The following ARHGEF3 variants were observed in gnomAD, a reference collection of about 807,000 sequenced individuals.
ARHGEF3 encodes the protein Rho guanine nucleotide exchange factor 3.
Under a neutral mutation model 63.2 loss-of-function variants are expected in ARHGEF3, and 28 were observed. That is an observed-to-expected ratio of 0.44 (90% CI 0.33 to 0.61). The LOEUF is 0.61. Among genes scored for constraint, ARHGEF3 ranks in the 20% least tolerant of loss-of-function variants. The pLI, the probability that ARHGEF3 is intolerant of heterozygous loss-of-function variation, is 0.03. For missense variants in ARHGEF3, 533 were observed against 659.3 expected, an observed-to-expected ratio of 0.81 and a Z score of 2.10; for synonymous variants, 266 against 254.2, an observed-to-expected ratio of 1.05 and a Z score of -0.44.
intron 2 of ARHGEF3, among the ~76,000 whole-genome samples, chr3:57,012,661 T>C: frequency 6.6e-6 from 1 of 152,234 alleles, no homozygotes; most frequent in Admixed American, 6.5e-5. Flanking sequence ...ACTCAAGGTC[T>C]CACAGTTCAG....
In ARHGEF3 at chr3:56,807,177, C is replaced by T. The variant is rs115836199; in HGVS notation, c.193-33361G>A. On this transcript the variant is annotated intron_variant, in intron 4 of 12. Coordinates refer to the ARHGEF3 transcript ENST00000338458. The stretch of plus-strand genomic sequence containing the variant: ...CTGGGATTACAGGTGGGAGCCACCG[C>T]GCCAGGCCTGAGTTCCTTTTTCTTT... Among the ~76,000 whole-genome samples, 1,510 of 152,240 alleles carry T rather than the reference C, an allele frequency of 9.9e-3. 25 individuals are homozygous for T. The highest frequency in any genetic ancestry group is 0.031 in the African/African-American group (1,306 of 41,540).
At chr3:56,798,304 C>T (rs1263920761) in intron 1 of ARHGEF3, among the ~76,000 whole-genome samples, 1 of 152,176 alleles carries the variant, frequency 6.6e-6, no homozygotes, top group African/African-American at 2.4e-5. Flanking sequence ...CTACAAATAC[C>T]ATTAACTAAA....
chr3:56,731,630 ATTTG>A (rs2033168881), intron 9 of ARHGEF3: 1 of 113,098 alleles, frequency 8.8e-6, no homozygotes, highest in African/African-American at 3.7e-5. Flanking sequence ...TGGAGTATTC[ATTTG>A]TTTATCATCT....
At chr3:56,851,416 A>C (rs1286885857) in intron 4 of ARHGEF3, among the ~76,000 whole-genome samples, 2 of 152,192 alleles carry the variant, frequency 1.3e-5, no homozygotes, top group African/African-American at 4.8e-5. Flanking sequence ...GCTGTAACAG[A>C]ATACCACAGG....
rs145834995 is a variant in ARHGEF3, at chr3:56,797,820, A to G, written c.96+3883T>C. Among the ~76,000 whole-genome samples, 431 of 152,288 alleles carry G rather than the reference A, an allele frequency of 2.8e-3. 2 individuals are homozygous for G. Among genetic ancestry groups the G allele is most frequent in the African/African-American group, 9.9e-3 (410 of 41,552 alleles). ...GTTATACTTAAAAGATAATATTTTA[A>G]AGTATTTTGCATGTCTGTTAAGTTT... On this transcript the variant is annotated intron_variant, in intron 1 of 9. Coordinates refer to ENST00000296315, the MANE Select transcript of ARHGEF3 (RefSeq NM_019555.3).
chr3:56,791,593 T>C (rs1024768214), intron 1 of ARHGEF3, among the ~76,000 whole-genome samples: 30 of 152,178 alleles, frequency 2.0e-4, no homozygotes, highest in Admixed American at 2.0e-3. Flanking sequence ...GTGTTCTGGC[T>C]AACTTTAACG....
chr3:56,892,417 G>C (rs1445328555), intron 3 of ARHGEF3, among the ~76,000 whole-genome samples: 2 of 152,072 alleles, frequency 1.3e-5, no homozygotes, highest in African/African-American at 4.8e-5. Context: ...CTGGTTCTCA[G>C]GTACACCAGA....
intron 4 of ARHGEF3, among the ~76,000 whole-genome samples, chr3:56,813,917 C>G (rs13070807): frequency 0.49 from 74,331 of 151,738 alleles, 18,832 homozygotes; most frequent in Non-Finnish European, 0.57. Flanking sequence ...GCTCAGTAGA[C>G]AGATGCCAAC....
At chr3:56,935,357 C>T (rs776333786) in intron 3 of ARHGEF3, among the ~76,000 whole-genome samples, 2 of 152,290 alleles carry the variant, frequency 1.3e-5, no homozygotes, top group South Asian at 4.1e-4. Flanking sequence ...CTCTACCAAT[C>T]AGCAGGATGT....
At chr3:57,068,168 T>TATAC (rs1553820865) in intron 1 of ARHGEF3, among the ~76,000 whole-genome samples, 1 of 148,982 alleles carries the variant, frequency 6.7e-6, no homozygotes, top group Non-Finnish European at 1.5e-5. Context: ...CACACACACA[T>TATAC]ACACACACAC....
chr3:56,938,957 C>T (rs1158230014), intron 3 of ARHGEF3: 2 of 152,280 alleles, frequency 1.3e-5, no homozygotes, highest in Non-Finnish European at 2.9e-5. Context: ...CCTGCCTGCA[C>T]TCTCTGTGAA....
chr3:57,042,988 C>T (rs918211222), intron 1 of ARHGEF3, among the ~76,000 whole-genome samples: 3 of 151,004 alleles, frequency 2.0e-5, no homozygotes, highest in Non-Finnish European at 3.0e-5. Flanking sequence ...TGAGCCACCG[C>T]GCCCAGCCCA....
At chr3:57,061,301 ATTATTT>A (rs1705211260) in intron 1 of ARHGEF3, among the ~76,000 whole-genome samples, 2 of 152,092 alleles carry the variant, frequency 1.3e-5, no homozygotes, top group South Asian at 2.1e-4. Context: ...TTTATTTATT[ATTATTT>A]TTTTTTTTGC....
At chr3:57,061,974 T>C (rs189997874) in intron 1 of ARHGEF3, among the ~76,000 whole-genome samples, 6 of 152,220 alleles carry the variant, frequency 3.9e-5, no homozygotes, top group Admixed American at 6.5e-5. Flanking sequence ...CTACAAGCAT[T>C]TTCTGCCCTG....
At chr3:57,058,636 C>A (rs368040730) in intron 1 of ARHGEF3, among the ~76,000 whole-genome samples, 4 of 152,224 alleles carry the variant, frequency 2.6e-5, no homozygotes, top group African/African-American at 4.8e-5. Context: ...AGCCATCCCA[C>A]TACTGGGTAT....
chr3:56,912,784 TAGTG>T (rs1260957071), intron 3 of ARHGEF3, among the ~76,000 whole-genome samples: 1 of 152,152 alleles, frequency 6.6e-6, no homozygotes, highest in Non-Finnish European at 1.5e-5. Flanking sequence ...AGAGAACAAA[TAGTG>T]AGGTGAGTGA....
chr3:56,777,541 G>A (rs1261507443), intron 1 of ARHGEF3, among the ~76,000 whole-genome samples: 1 of 152,102 alleles, frequency 6.6e-6, no homozygotes, highest in Non-Finnish European at 1.5e-5. Context: ...CCCCTCAACA[G>A]GTAAAAGCCA....
intron 2 of ARHGEF3, among the ~76,000 whole-genome samples, chr3:56,756,430 C>G (rs562738953): frequency 4.3e-4 from 66 of 152,270 alleles, no homozygotes; most frequent in African/African-American, 1.5e-3. Context: ...CTCCATTTCT[C>G]CAACCATACT....
chr3:56,874,001 T>C lies in ARHGEF3; in HGVS notation c.192+8291A>G, dbSNP rs143741009. Among the ~76,000 whole-genome samples, 239 of 152,320 alleles carry C rather than the reference T, an allele frequency of 1.6e-3. 1 individual carries two copies. Among genetic ancestry groups the C allele is most frequent in the African/African-American group, 5.5e-3 (228 of 41,576 alleles). On this transcript the variant is annotated intron_variant, in intron 4 of 12. Coordinates refer to the ARHGEF3 transcript ENST00000338458. ...GTGTCCTGAAACTCCTTGGAATTTC[T>C]TTGTCACTGTGCTTTTCAAGAAGTG...
Sources: allele counts gnomAD v4.1 joint callset (sites outside exome capture counted in the v4.1 genomes callset), GRCh38; gene constraint gnomAD v4.1.1; transcripts MANE v1.5; gene names NCBI Gene and HGNC (gene_info 2026-07-23, HGNC 2026-07-21).